STPG1: variants seen among roughly 807,000 people sequenced by gnomAD.
STPG1 encodes the protein sperm tail PG-rich repeat containing 1.
A neutral mutation model predicts 40.1 loss-of-function variants in STPG1; 33 were observed. The ratio of observed to expected loss-of-function variants is 0.82; its 90% confidence interval spans 0.62 to 1.10. STPG1 has a LOEUF of 1.10. Ranked by LOEUF, STPG1 falls within the 50% of genes least tolerant of loss-of-function variation. STPG1 has a pLI of 0.00. For missense variants in STPG1, 396 were observed against 415.1 expected (o/e 0.95, Z 0.40); for synonymous variants, 150 against 155.0 (o/e 0.97, Z 0.24).
rs775062899 is a variant in STPG1, at chr1:24,396,693, TA to T, written c.70+4625del. Among the ~76,000 whole-genome samples the T allele has an allele frequency of 3.9e-5, 6 of 152,126 alleles. No homozygotes were observed. In the East Asian group the frequency reaches 9.6e-4, roughly 24 times the overall value. On this transcript the variant is annotated intron_variant, in intron 2 of 8. Transcript: ENST00000337248. ...TTTAAGGTAACCACTAGGAAAATAC[TA>T]CAAGGAGTTATTCCTAATAGGCTAA... is the stretch of plus-strand genomic sequence containing the variant.
intron 4 of STPG1, among the ~76,000 whole-genome samples, chr1:24,380,142 G>A (rs1490799107): frequency 1.3e-5 from 2 of 152,050 alleles, no homozygotes; most frequent in Non-Finnish European, 2.9e-5. Flanking sequence ...TCAGCTGTTG[G>A]GTAATTTATG....
Position 24,359,086 on chromosome 1 carries a change from A to G in STPG1, c.929-467T>C, listed in dbSNP as rs1640918172. Among the ~76,000 whole-genome samples the G allele has an allele frequency of 6.6e-6, 1 of 152,194 alleles. No individual in the cohort carries two copies. Among genetic ancestry groups the G allele is most frequent in the Non-Finnish European group, 1.5e-5 (1 of 68,040 alleles). ...ACTCATGTTGATACTGACTTGGTTAATGAGGGTCCCGTGCACAGCCTCTCT... is the reference window on the plus strand; with the variant it reads ...ACTCATGTTGATACTGACTTGGTTAGTGAGGGTCCCGTGCACAGCCTCTCT... On this transcript the variant is annotated intron_variant, in intron 8 of 8. Transcript: ENST00000337248. This position sits in a 1 kb window ranked among gnomAD's most constrained non-coding sequence, Gnocchi z 5.3.
chr1:24,388,565 T>G (rs1245606569), intron 3 of STPG1, among the ~76,000 whole-genome samples: 1 of 152,196 alleles, frequency 6.6e-6, no homozygotes, highest in Admixed American at 6.5e-5. Flanking sequence ...ACAAGGTAAG[T>G]GCACATTTCA....
In STPG1 at chr1:24,409,756, C is replaced by T. The variant is rs114628279; in HGVS notation, c.-69+3918G>A. Among the ~76,000 whole-genome samples the T allele has an allele frequency of 5.1e-3, 774 of 152,294 alleles. 7 individuals are homozygous for T. The highest frequency in any genetic ancestry group is 0.018 in the African/African-American group (745 of 41,566). On this transcript the variant is annotated intron_variant, in intron 1 of 8. Transcript: ENST00000337248. The stretch of plus-strand genomic sequence containing the variant: ...GTATTTGCTACCCCACCATTAGTCA[C>T]TTAGTAGCCATCTCGATTGTCAGAT...
At chr1:24,364,476 T>C (rs2148680130) in intron 7 of STPG1, 3 of 1,393,164 alleles carry the variant, frequency 2.2e-6, no homozygotes, top group Non-Finnish European at 2.8e-6. Context: ...TTACTTTGCA[T>C]TTAAAATGTT....
intron 5 of STPG1, 177 bp downstream of exon 5, chr1:24,379,476 G>T: frequency 1.6e-6 from 1 of 642,710 alleles, no homozygotes; most frequent in South Asian, 1.9e-5. Context: ...GATCTCTGGG[G>T]TCTGCAAATT....
At chr1:24,385,470 C>T (rs556990660) in intron 3 of STPG1, among the ~76,000 whole-genome samples, 9 of 152,232 alleles carry the variant, frequency 5.9e-5, no homozygotes, top group Non-Finnish European at 1.0e-4. Flanking sequence ...GATGCAGATG[C>T]GAAGGGCTAT....
intron 1 of STPG1, among the ~76,000 whole-genome samples, chr1:24,408,423 C>T (rs1364023425): frequency 1.3e-5 from 2 of 152,244 alleles, no homozygotes; most frequent in African/African-American, 4.8e-5. Flanking sequence ...AAGGAGACCT[C>T]TCTTCAGGTT....
intron 3 of STPG1, among the ~76,000 whole-genome samples, chr1:24,384,383 G>A (rs1642414610): frequency 6.6e-6 from 1 of 152,210 alleles, no homozygotes; most frequent in African/African-American, 2.4e-5. Flanking sequence ...GGCAAGGGAA[G>A]GGTGAGCGAT....
chr1:24,404,463 T>C (rs1303088986), intron 1 of STPG1, among the ~76,000 whole-genome samples: 4 of 152,208 alleles, frequency 2.6e-5, no homozygotes, highest in Non-Finnish European at 5.9e-5. Flanking sequence ...TGGAAGGTGT[T>C]TTTTTCTCTT....
intron 5 of STPG1, among the ~76,000 whole-genome samples, chr1:24,376,869 T>C (rs1642051486): frequency 6.6e-6 from 1 of 152,138 alleles, no homozygotes; most frequent in African/African-American, 2.4e-5. Context: ...ATCTCTCCTG[T>C]TAGCATAATA....
In STPG1 at chr1:24,399,076, T is replaced by G. The variant is rs904570134; in HGVS notation, c.70+2243A>C. On this transcript the variant is annotated intron_variant, in intron 2 of 8. Transcript: ENST00000337248. The surrounding 1 kb of genome is among the most constrained non-coding windows in gnomAD (Gnocchi z 4.0). ...GCACCATAAATATGTACAACTATTA[T>G]GTATCCATAAAAATTAAAAATAAAA... 2.0e-5 allele frequency among the ~76,000 whole-genome samples: 3 copies of G among 152,132 alleles called. No homozygotes were observed. Among genetic ancestry groups the G allele is most frequent in the Non-Finnish European group, 1.5e-5 (1 of 67,992 alleles).
At chr1:24,378,571 C>T (rs1570028384) in intron 5 of STPG1, among the ~76,000 whole-genome samples, 1 of 152,092 alleles carries the variant, frequency 6.6e-6, no homozygotes, top group African/African-American at 2.4e-5. Context: ...GGAGGTGGAG[C>T]CTGCAGATTG....
At chr1:24,390,646 T>C (rs947394081) in intron 3 of STPG1, among the ~76,000 whole-genome samples, 1 of 152,168 alleles carries the variant, frequency 6.6e-6, no homozygotes, top group African/African-American at 2.4e-5. Context: ...CTCGAACTTG[T>C]GACCTCAGGT....
At chr1:24,377,170 A>G (rs1382640462) in intron 5 of STPG1, among the ~76,000 whole-genome samples, 2 of 151,944 alleles carry the variant, frequency 1.3e-5, no homozygotes. Context: ...CAGGAGAATT[A>G]CTTGAATTGG....
intron 1 of STPG1, among the ~76,000 whole-genome samples, chr1:24,408,235 G>A (rs1175536595): frequency 6.6e-6 from 1 of 152,198 alleles, no homozygotes; most frequent in African/African-American, 2.4e-5. Flanking sequence ...ACATTTCTGT[G>A]AACTCTACCC....
intron 1 of STPG1, among the ~76,000 whole-genome samples, chr1:24,407,082 G>A (rs565803053): frequency 2.6e-5 from 4 of 152,042 alleles, no homozygotes; most frequent in Non-Finnish European, 4.4e-5. Context: ...CTTTTTCCCT[G>A]CAATCCCTGG....
intron 1 of STPG1, 144 bp downstream of exon 1, chr1:24,413,530 G>T (rs1643845035): frequency 6.6e-6 from 1 of 152,298 alleles, no homozygotes; most frequent in African/African-American, 2.4e-5. Flanking sequence ...CGCCCTCGGG[G>T]CTCCACCTAG....
chr1:24,360,864 GC>G lies in STPG1; in HGVS notation c.914del (p.Gly305AlafsTer65). 6.2e-7 allele frequency: 1 copy of G among 1,612,760 alleles called. No individual in the cohort carries two copies. The highest frequency in any genetic ancestry group is 8.5e-7 in the Non-Finnish European group (1 of 1,179,392). ...CAATCCTCTGACCTGGGCCAGGCAG[GC>G]CTGGCTGAGGCGGCGCCGCTGTCCA... ...SRWTAAPPQP[G>X]LPGPATYKPE... On this transcript the variant is annotated frameshift_variant, in exon 8 of 9. Transcript: ENST00000337248. LOFTEE classifies it high-confidence loss of function.
Sources: allele counts gnomAD v4.1 joint callset (sites outside exome capture counted in the v4.1 genomes callset), GRCh38; gene constraint gnomAD v4.1.1; non-coding constraint Gnocchi (gnomAD v3.1); transcripts MANE v1.5; gene names NCBI Gene and HGNC (gene_info 2026-07-23, HGNC 2026-07-21).